The following MEI4 variants were observed in gnomAD, a reference collection of about 807,000 sequenced individuals.
MEI4 encodes meiosis-specific protein MEI4.
In MEI4, 27 loss-of-function variants were observed where a neutral mutation model predicts 31.4. The ratio of observed to expected loss-of-function variants is 0.86; its 90% CI spans 0.63 to 1.19. The LOEUF (loss-of-function observed/expected upper bound fraction) is 1.19, where lower values mean the gene tolerates loss of function less well. Among genes scored for constraint, MEI4 ranks in the 50% most tolerant of loss-of-function variants. MEI4 has a pLI of 0.00. For missense variants in MEI4, 329 were observed against 398.9 expected (o/e 0.82, Z 1.49); for synonymous variants, 122 against 145.4 (o/e 0.84, Z 1.16).
intron 4 of MEI4, among the ~76,000 whole-genome samples, chr6:77,842,250 A>G (rs1770383071): frequency 6.6e-6 from 1 of 152,136 alleles, no homozygotes; most frequent in Non-Finnish European, 1.5e-5. Flanking sequence ...GTAATTAATA[A>G]TAGGAGTACA....
chr6:77,751,199 T>TTA (rs1767764288), intron 2 of MEI4, among the ~76,000 whole-genome samples: 1 of 151,574 alleles, frequency 6.6e-6, no homozygotes. Context: ...AACATCACAA[T>TTA]TAAAAGAACT....
intron 3 of MEI4, among the ~76,000 whole-genome samples, chr6:77,795,412 C>T (rs1458325485): frequency 1.3e-5 from 2 of 152,016 alleles, no homozygotes; most frequent in Non-Finnish European, 2.9e-5. Context: ...AAAATACAAG[C>T]CTTTTGTCCT....
chr6:77,729,667 T>A (rs1766920888), intron 2 of MEI4, among the ~76,000 whole-genome samples: 1 of 152,190 alleles, frequency 6.6e-6, no homozygotes, highest in African/African-American at 2.4e-5. Context: ...ACCCCCTTTT[T>A]ATTCAGCATT....
chr6:77,771,585 C>T (rs1768320495), intron 3 of MEI4, among the ~76,000 whole-genome samples: 1 of 152,098 alleles, frequency 6.6e-6, no homozygotes, highest in Non-Finnish European at 1.5e-5. Context: ...GGTACATATA[C>T]ACTGTGGAAT....
At chr6:77,740,110 T>A (rs1767360386) in intron 2 of MEI4, among the ~76,000 whole-genome samples, 1 of 152,238 alleles carries the variant, frequency 6.6e-6, no homozygotes, top group African/African-American at 2.4e-5. Flanking sequence ...CTGTATGGTT[T>A]TGAGTTATTT....
intron 3 of MEI4, among the ~76,000 whole-genome samples, chr6:77,797,002 A>G (rs1769096856): frequency 6.6e-6 from 1 of 152,230 alleles, no homozygotes; most frequent in South Asian, 2.1e-4. Context: ...ATGTAGACCA[A>G]GGGAACAGAA....
At chr6:77,796,864 G>A (rs2127698371) in intron 3 of MEI4, among the ~76,000 whole-genome samples, 1 of 152,214 alleles carries the variant, frequency 6.6e-6, no homozygotes, top group African/African-American at 2.4e-5. Context: ...AACCTCAAAA[G>A]ACCCCAAGTA....
intron 1 of MEI4, among the ~76,000 whole-genome samples, chr6:77,671,544 C>G (rs1768740614): frequency 6.6e-6 from 1 of 152,164 alleles, no homozygotes; most frequent in African/African-American, 2.4e-5. Flanking sequence ...TCTTATGTCT[C>G]AAGGTCACAG....
At chr6:77,773,648 A>G (rs1262067314) in intron 3 of MEI4, among the ~76,000 whole-genome samples, 1 of 152,076 alleles carries the variant, frequency 6.6e-6, no homozygotes, top group African/African-American at 2.4e-5. Context: ...AAGGCAATCA[A>G]AGCAAAAATG....
At chr6:77,691,914 T>G (rs1289349042) in intron 2 of MEI4, among the ~76,000 whole-genome samples, 1 of 131,902 alleles carries the variant, frequency 7.6e-6, no homozygotes, top group South Asian at 2.2e-4. Flanking sequence ...TCTGGCAAGT[T>G]AGAAAAAAAA....
intron 1 of MEI4, among the ~76,000 whole-genome samples, chr6:77,665,556 T>C (rs1262107198): frequency 6.6e-6 from 1 of 151,956 alleles, no homozygotes; most frequent in Non-Finnish European, 1.5e-5. Context: ...AAGAGCGGGA[T>C]TTGCTGCTAA....
chr6:77,734,381 C>T (rs551427284), intron 2 of MEI4, among the ~76,000 whole-genome samples: 1 of 152,128 alleles, frequency 6.6e-6, no homozygotes, highest in Non-Finnish European at 1.5e-5. Flanking sequence ...GATCTCTTTA[C>T]CATTATGTAA....
intron 3 of MEI4, among the ~76,000 whole-genome samples, chr6:77,806,026 C>T (rs1434129989): frequency 6.6e-6 from 1 of 152,042 alleles, no homozygotes; most frequent in South Asian, 2.1e-4. Flanking sequence ...TCTCACAATC[C>T]CTTTCGTCTG....
chr6:77,738,905 G>T (rs555820871), intron 2 of MEI4, among the ~76,000 whole-genome samples: 1 of 152,200 alleles, frequency 6.6e-6, no homozygotes, highest in Non-Finnish European at 1.5e-5. Context: ...AAAAGTGTCT[G>T]TTCATATCCT....
At chr6:77,808,510 TA>T (rs966403640) in intron 3 of MEI4, among the ~76,000 whole-genome samples, 1 of 151,976 alleles carries the variant, frequency 6.6e-6, no homozygotes, top group East Asian at 1.9e-4. Context: ...AGAGACAGTG[TA>T]AAAAAAATGA....
At chr6:77,735,394 T>C (rs1767159974) in intron 2 of MEI4, among the ~76,000 whole-genome samples, 1 of 152,040 alleles carries the variant, frequency 6.6e-6, no homozygotes, top group African/African-American at 2.4e-5. Context: ...TCATCTTCCA[T>C]CACTGATACC....
intron 4 of MEI4, among the ~76,000 whole-genome samples, chr6:77,916,316 CCTTTT>C (rs1766546197): frequency 6.6e-6 from 1 of 151,970 alleles, no homozygotes; most frequent in Non-Finnish European, 1.5e-5. Flanking sequence ...CAAAATCTTT[CCTTTT>C]ATCATGTATC....
chr6:77,755,559 C>T (rs1767893934), intron 2 of MEI4, among the ~76,000 whole-genome samples: 1 of 151,988 alleles, frequency 6.6e-6, no homozygotes, highest in East Asian at 1.9e-4. Context: ...GCTGAGATTA[C>T]AGGCACACAC....
At chr6:77,862,552 C>T (rs766367846) in intron 4 of MEI4, among the ~76,000 whole-genome samples, 4 of 152,210 alleles carry the variant, frequency 2.6e-5, no homozygotes, top group Admixed American at 6.5e-5. Flanking sequence ...TGCACCGAGG[C>T]TTGAGTAGGT....
Sources: gnomAD v4.1 joint callset for allele counts (sites outside exome capture counted in the v4.1 genomes callset) on GRCh38, gnomAD v4.1.1 for gene constraint, MANE v1.5 for transcripts, NCBI Gene and HGNC (gene_info 2026-07-23, HGNC 2026-07-21) for gene names.